The following LRRC8C variants were observed in gnomAD, a reference collection of about 807,000 sequenced individuals.
LRRC8C encodes leucine rich repeat containing 8 VRAC subunit C.
LRRC8C carries 20 observed loss-of-function variants against 55.3 expected under a neutral mutation model. The ratio of observed to expected loss-of-function variants is 0.36; its 90% CI spans 0.25 to 0.53. LRRC8C has a LOEUF of 0.53. LRRC8C is among the 20% of genes least tolerant of loss of function. The pLI is 0.92. For synonymous variants in LRRC8C, 376 were observed against 360.7 expected (o/e 1.04, Z -0.48); for missense variants, 659 against 951.4 (o/e 0.69, Z 4.04).
At chr1:89,627,348 T>A in the LRRC8C span, among the ~76,000 whole-genome samples, 1 of 136,092 alleles carries the variant, frequency 7.3e-6, no homozygotes, top group South Asian at 2.3e-4. Context: ...TCGACCCATC[T>A]GAACAATAAT....
intron 2 of LRRC8C, among the ~76,000 whole-genome samples, chr1:89,691,777 T>A (rs1303241064): frequency 6.6e-6 from 1 of 152,156 alleles, no homozygotes; most frequent in Admixed American, 6.5e-5. Flanking sequence ...TATGGAACCA[T>A]CACAATTGCA....
chr1:89,659,602 A>G (rs894201015), intron 1 of LRRC8C, among the ~76,000 whole-genome samples: 5 of 152,090 alleles, frequency 3.3e-5, no homozygotes, highest in African/African-American at 1.2e-4. Flanking sequence ...TTATACATAA[A>G]GAGAACTTCA....
chr1:89,626,346 C>G, the LRRC8C span: 1 of 152,330 alleles, frequency 6.6e-6, no homozygotes, highest in Admixed American at 6.5e-5. Context: ...CCAATGGACA[C>G]TGACTGGTAT....
chr1:89,642,016 C>T (rs1166199043), intron 1 of LRRC8C, among the ~76,000 whole-genome samples: 1 of 152,198 alleles, frequency 6.6e-6, no homozygotes, highest in Non-Finnish European at 1.5e-5. Flanking sequence ...TTTGTGGAAG[C>T]TTTGTGAAAT....
chr1:89,691,675 C>T (rs1373136421), intron 2 of LRRC8C, among the ~76,000 whole-genome samples: 1 of 152,084 alleles, frequency 6.6e-6, no homozygotes, highest in Non-Finnish European at 1.5e-5. Flanking sequence ...GATAACTTGC[C>T]CCAAAGCCAA....
intron 1 of LRRC8C, among the ~76,000 whole-genome samples, chr1:89,660,223 C>A (rs1168699890): frequency 6.6e-6 from 1 of 152,120 alleles, no homozygotes; most frequent in East Asian, 1.9e-4. Context: ...AGTGAGTAAA[C>A]CCTGCCTTTG....
At chr1:89,689,856 G>T (rs910222756) in intron 2 of LRRC8C, among the ~76,000 whole-genome samples, 1 of 151,900 alleles carries the variant, frequency 6.6e-6, no homozygotes, top group Non-Finnish European at 1.5e-5. Flanking sequence ...CAGGAGAATC[G>T]CCTGAACCCG....
rs1658781757 is a variant in LRRC8C at position 89,715,173 on chromosome 1, T to G, written c.*191T>G. On this transcript the variant is annotated 3_prime_UTR_variant, in exon 3 of 3. Transcript: ENST00000370454. ...CAATATTAATATTTTGAAGTTTTAT[T>G]TGTCTTGAAACACAATGTATCTATT... The G allele has an allele frequency of 2.6e-6, 1 of 379,766 alleles. No individual in the cohort carries two copies. Among genetic ancestry groups the G allele is most frequent in the Non-Finnish European group, 4.6e-6 (1 of 216,198 alleles). The allele number at this position is 379,766 out of a possible 1,614,324, so 23.5% of individuals were successfully genotyped here. A position where few individuals can be genotyped will look rare whatever the true frequency, so the allele number is the denominator to read the frequency against.
At chr1:89,666,459 G>A (rs1657266676) in intron 1 of LRRC8C, among the ~76,000 whole-genome samples, 1 of 152,044 alleles carries the variant, frequency 6.6e-6, no homozygotes, top group Non-Finnish European at 1.5e-5. Flanking sequence ...ATGAGGCCCA[G>A]GACAGTTCTT....
chr1:89,708,420 A>T (rs768131070), intron 2 of LRRC8C: 2 of 152,302 alleles, frequency 1.3e-5, no homozygotes, highest in Non-Finnish European at 2.9e-5. Flanking sequence ...TTGCACCCTG[A>T]TCTTTACATT....
intron 1 of LRRC8C, among the ~76,000 whole-genome samples, chr1:89,654,370 G>C (rs539403808): frequency 6.6e-6 from 1 of 152,096 alleles, no homozygotes; most frequent in Non-Finnish European, 1.5e-5. Context: ...CCACTACCCA[G>C]TATAGCCATG....
chr1:89,673,426 A>T (rs1657474206), intron 1 of LRRC8C, among the ~76,000 whole-genome samples: 1 of 152,198 alleles, frequency 6.6e-6, no homozygotes, highest in Non-Finnish European at 1.5e-5. Flanking sequence ...TTTCTCAGGA[A>T]GACCTCATCT....
chr1:89,690,769 A>G (rs982690726), intron 2 of LRRC8C, among the ~76,000 whole-genome samples: 2 of 152,150 alleles, frequency 1.3e-5, no homozygotes, highest in Non-Finnish European at 2.9e-5. Flanking sequence ...GTCTCTCTAC[A>G]GTCCAGAAGG....
Position 89,713,718 on chromosome 1 carries a change from T to C in LRRC8C, c.1148T>C (p.Leu383Pro). ...CATATGATAGATCAGTATGACCCTC[T>C]CTATTCCAAGAGATTTGCAGTGTTC... ...MLHMIDQYDP[L>P]YSKRFAVFLS... The change falls in exon 3 of 3, where the codon CTC becomes CCC. Residue 383 changes from leucine (L) to proline (P), a missense_variant. Leu to Pro is a moderately conservative substitution (Grantham distance 98). Coordinates refer to ENST00000370454, the MANE Select transcript of LRRC8C (RefSeq NM_032270.5). This position sits in a 1 kb window ranked among gnomAD's most constrained non-coding sequence, Gnocchi z 5.2. 1.9e-6 allele frequency: 3 copies of C among 1,614,204 alleles called. No homozygotes were observed. Among genetic ancestry groups the C allele is most frequent in the Non-Finnish European group, 2.5e-6 (3 of 1,180,028 alleles).
intron 1 of LRRC8C, among the ~76,000 whole-genome samples, chr1:89,680,357 G>A (rs566004577): frequency 1.6e-4 from 24 of 151,508 alleles, no homozygotes; most frequent in Admixed American, 3.3e-4. Context: ...GATTACAGGC[G>A]TGAGCCACCG....
intron 1 of LRRC8C, among the ~76,000 whole-genome samples, chr1:89,659,512 T>C (rs1184457760): frequency 6.6e-6 from 1 of 152,168 alleles, no homozygotes; most frequent in Admixed American, 6.5e-5. Context: ...CGTTAAGTAA[T>C]GTAATATGTA....
intron 1 of LRRC8C, among the ~76,000 whole-genome samples, chr1:89,682,675 G>A (rs1028650412): frequency 2.0e-5 from 3 of 152,188 alleles, no homozygotes; most frequent in African/African-American, 7.2e-5. Context: ...TTCTTCACTG[G>A]TACACACTTG....
the LRRC8C span, among the ~76,000 whole-genome samples, chr1:89,619,117 TC>T: frequency 6.6e-6 from 1 of 152,216 alleles, no homozygotes; most frequent in Admixed American, 6.5e-5. Context: ...AGCTATTTCT[TC>T]CTGCATGCGA....
intron 2 of LRRC8C, among the ~76,000 whole-genome samples, chr1:89,700,511 C>G (rs1420732761): frequency 1.3e-5 from 2 of 152,218 alleles, no homozygotes; most frequent in Non-Finnish European, 2.9e-5. Flanking sequence ...ACCACAATTA[C>G]TTTTATGCCA....
Sources: gnomAD v4.1 joint callset for allele counts (sites outside exome capture counted in the v4.1 genomes callset) on GRCh38, gnomAD v4.1.1 for gene constraint, Gnocchi (gnomAD v3.1) non-coding constraint, MANE v1.5 for transcripts, NCBI Gene and HGNC (gene_info 2026-07-23, HGNC 2026-07-21) for gene names.